The following DMXL2 variants were observed in gnomAD, a reference collection of about 807,000 sequenced individuals.
The protein encoded by DMXL2 is dmX-like protein 2.
DMXL2 carries 103 observed loss-of-function variants against 331.1 expected under a neutral mutation model. The ratio of observed to expected loss-of-function variants is 0.31; its 90% CI spans 0.27 to 0.37. The LOEUF is 0.37. DMXL2 is among the 10% of genes least tolerant of loss of function. DMXL2 has a pLI of 1.00. For synonymous variants in DMXL2, 1,281 were observed against 1,252.1 expected, an observed-to-expected ratio of 1.02 and a Z score of -0.49; for missense variants, 3,171 against 3,642.9, an observed-to-expected ratio of 0.87 and a Z score of 3.33.
chr15:51,568,232 G>T, intron 3 of DMXL2: 1 of 337,464 alleles, frequency 3.0e-6, no homozygotes, highest in Middle Eastern at 7.9e-4. Context: ...AGAAATAACA[G>T]TAGTTCAAAC....
At chr15:51,588,652 G>A (rs190575019) in intron 1 of DMXL2, among the ~76,000 whole-genome samples, 1 of 152,222 alleles carries the variant, frequency 6.6e-6, no homozygotes, top group Non-Finnish European at 1.5e-5. Context: ...GATATTTTGA[G>A]GGAAATAGTC....
rs542530083 is a variant in DMXL2 at position 51,461,209 on chromosome 15, C to A, written c.7927-1549G>T. On this transcript the variant is annotated intron_variant, in intron 33 of 43. Coordinates refer to ENST00000560891, the MANE Select transcript of DMXL2 (RefSeq NM_001378457.1). ...TTTATCTCTGTCCTACTTCCCTGTT[C>A]ATGGGGACCCACTGCTGGAAGAAAA... 2.0e-5 allele frequency among the ~76,000 whole-genome samples: 3 copies of A among 152,296 alleles called. No individual in the cohort carries two copies. In the South Asian group the frequency reaches 6.2e-4, roughly 32 times the overall value.
At chr15:51,453,003 C>T (rs928646442) in intron 41 of DMXL2, among the ~76,000 whole-genome samples, 7 of 152,076 alleles carry the variant, frequency 4.6e-5, no homozygotes, top group South Asian at 4.2e-4. Context: ...AATCATATGT[C>T]GTATGTTCTC....
Position 51,453,550 on chromosome 15 carries a change from C to G in DMXL2, c.8696G>C (p.Arg2899Thr). The stretch of plus-strand genomic sequence containing the variant: ...TTACTTTGCTTTTCTGTCAACCTAC[C>G]TATTGTCATTGGAGTGTCCAGATGT... ...VATSGHSNDN[R>T]NVCLWDTLIS... Residue 2899 changes from arginine (R) to threonine (T), a missense_variant and splice_region_variant, in exon 41 of 44, where the codon AGA becomes ACA. Arg to Thr is a moderately conservative substitution (Grantham distance 71). This residue lies in a region of DMXL2 where 766 missense variants were observed against 940.5 expected (regional missense o/e 0.81). Coordinates refer to ENST00000560891, the MANE Select transcript of DMXL2 (RefSeq NM_001378457.1). 1 of 1,600,072 alleles carries G rather than the reference C, an allele frequency of 6.2e-7. No homozygotes were observed. Among genetic ancestry groups the G allele is most frequent in the Non-Finnish European group, 8.5e-7 (1 of 1,173,752 alleles).
At chr15:51,496,771 T>C (rs949087852) in intron 18 of DMXL2, among the ~76,000 whole-genome samples, 1 of 152,194 alleles carries the variant, frequency 6.6e-6, no homozygotes, top group African/African-American at 2.4e-5. Flanking sequence ...ATGAACTGGA[T>C]ACTGGGTATG....
chr15:51,591,306 G>A (rs905493846), intron 1 of DMXL2, among the ~76,000 whole-genome samples: 1 of 152,224 alleles, frequency 6.6e-6, no homozygotes, highest in Non-Finnish European at 1.5e-5. Context: ...GGCTCGGAGG[G>A]TCCTACGCCC....
chr15:51,531,220 CA>C (rs1260112660), intron 13 of DMXL2, among the ~76,000 whole-genome samples: 1 of 152,040 alleles, frequency 6.6e-6, no homozygotes, highest in Non-Finnish European at 1.5e-5. Context: ...AACCCAGACA[CA>C]AATCCACACA....
intron 15 of DMXL2, among the ~76,000 whole-genome samples, chr15:51,507,822 A>C (rs1161413841): frequency 6.6e-6 from 1 of 152,016 alleles, no homozygotes; most frequent in Non-Finnish European, 1.5e-5. Context: ...AAAAAAAAAA[A>C]AAACTTAAGT....
chr15:51,547,260 G>C lies in DMXL2; in HGVS notation c.716C>G (p.Ser239Trp), dbSNP rs143486672. The C allele has an allele frequency of 2.5e-6, 4 of 1,611,138 alleles. No individual in the cohort carries two copies. The highest frequency in any genetic ancestry group is 1.3e-5 in the African/African-American group (1 of 74,632). The change falls in exon 7 of 44, where the codon TCG becomes TGG. Residue 239 changes from serine (S) to tryptophan (W), a missense_variant. By Grantham distance (177) the Ser-to-Trp change is radical. Transcript: ENST00000560891. ...LAHPRAVTGF[S>W]WRKTSKYMPR... is the part of the protein sequence containing the mutation. ...CATATACTTGCTAGTTTTGCGCCAC[G>C]AAAAACCTGTCACAGCTCGGGGATG...
rs758936659 is a variant in DMXL2, at chr15:51,564,118, C to T, written c.500+7G>A. ...TAATGAATATAACAATAGAAATAGA[C>T]ACTAACTTGCACTGCCAGACACACT... On this transcript the variant is annotated splice_region_variant and intron_variant, in intron 5 of 43. Coordinates refer to ENST00000560891, the MANE Select transcript of DMXL2 (RefSeq NM_001378457.1). 15 of 1,586,820 alleles carry T rather than the reference C, an allele frequency of 9.5e-6. No homozygotes were observed. Among genetic ancestry groups the T allele is most frequent in the African/African-American group, 1.4e-5 (1 of 73,124 alleles).
At chr15:51,550,719 G>C (rs960617974) in intron 6 of DMXL2, among the ~76,000 whole-genome samples, 31 of 151,996 alleles carry the variant, frequency 2.0e-4, no homozygotes, top group African/African-American at 6.8e-4. Context: ...TAAACGAATA[G>C]AATTTCAGCA....
At chr15:51,562,408 C>G (rs1052568146) in intron 6 of DMXL2, among the ~76,000 whole-genome samples, 3 of 151,648 alleles carry the variant, frequency 2.0e-5, no homozygotes, top group Admixed American at 6.6e-5. Context: ...ATATCTCCAT[C>G]AAAACAAGAA....
rs370482123 is a variant in DMXL2 at position 51,457,364 on chromosome 15, C to A, written c.8301G>T (p.Trp2767Cys). The A allele has an allele frequency of 2.5e-6, 4 of 1,614,018 alleles. No homozygotes were observed. The African/African-American group carries it at 5.3e-5, about 22-fold the overall frequency. Residue 2767 changes from tryptophan (W) to cysteine (C), a missense_variant, in exon 37 of 44, where the codon TGG (tryptophan) becomes TGT (cysteine). Around this residue, in one of 7 missense-constraint regions of DMXL2, gnomAD observed 766 missense variants for 940.5 expected, o/e 0.81. Coordinates refer to ENST00000560891, the MANE Select transcript of DMXL2 (RefSeq NM_001378457.1). ...SQVHPPSSLP[W>C]LGTGQTSTGA... ...CAGTGCTAGTCTGTCCAGTGCCCAG[C>A]CATGGCAGAGATGAAGGTGGATGCA...
intron 39 of DMXL2, 68 bp from the exon 40 acceptor site, chr15:51,455,296 GAAGA>G: frequency 1.6e-6 from 2 of 1,289,400 alleles, no homozygotes; most frequent in East Asian, 2.3e-5. Context: ...AACATGGAAG[GAAGA>G]TTCACTAAGG....
In DMXL2 at chr15:51,449,032, A is replaced by G. The variant is rs925589918; in HGVS notation, c.9129T>C (p.Val3043=). Residue 3043 remains valine, a synonymous_variant, in exon 44 of 44, where the codon GTT becomes GTC. Coordinates refer to ENST00000560891, the MANE Select transcript of DMXL2 (RefSeq NM_001378457.1). Reference sequence around the variant, plus strand: ...TAGGGATGTTAAAAGCATTGGGCAAAACCCTGGTTTTCAGCGTGCCATCTG... The same window carrying G: ...TAGGGATGTTAAAAGCATTGGGCAAGACCCTGGTTTTCAGCGTGCCATCTG... ...CGADGTLKTR[V]LPNAFNIPNR... The G allele has an allele frequency of 5.0e-6, 8 of 1,614,090 alleles. No homozygotes were observed. In the East Asian group the frequency reaches 1.8e-4, roughly 36 times the overall value.
At chr15:51,591,009 C>T (rs989029027) in intron 1 of DMXL2, among the ~76,000 whole-genome samples, 1 of 152,166 alleles carries the variant, frequency 6.6e-6, no homozygotes, top group Non-Finnish European at 1.5e-5. Context: ...GAGTGAGCGA[C>T]GCAGAAGATG....
intron 9 of DMXL2, among the ~76,000 whole-genome samples, chr15:51,539,729 A>T (rs1246142578): frequency 6.6e-6 from 1 of 152,130 alleles, no homozygotes; most frequent in Non-Finnish European, 1.5e-5. Flanking sequence ...GGATTGCCTG[A>T]GCCGGAGAGG....
chr15:51,453,406 ACACTCTG>A, intron 41 of DMXL2, 137 bp downstream of exon 41: 1 of 538,064 alleles, frequency 1.9e-6, no homozygotes. Context: ...GTAAGAAAAA[ACACTCTG>A]AAATAAGAAT....
intron 13 of DMXL2, among the ~76,000 whole-genome samples, chr15:51,530,369 T>C (rs2047932515): frequency 6.6e-6 from 1 of 152,048 alleles, no homozygotes; most frequent in South Asian, 2.1e-4. Flanking sequence ...ATTGATAAAT[T>C]CAGTAAAGTT....
Sources: allele counts gnomAD v4.1 joint callset (sites outside exome capture counted in the v4.1 genomes callset), GRCh38; gene constraint gnomAD v4.1.1; regional missense constraint gnomAD v4.1.1; transcripts MANE v1.5; gene names NCBI Gene and HGNC (gene_info 2026-07-23, HGNC 2026-07-21).